Variants in APTX observed in about 807,000 individuals in gnomAD.
The protein encoded by APTX is aprataxin.
Under a neutral mutation model 42.3 loss-of-function variants are expected in APTX, and 33 were observed. The ratio of observed to expected loss-of-function variants is 0.78; its 90% CI spans 0.59 to 1.04. APTX has a LOEUF of 1.04. Ranked by LOEUF, APTX falls within the 50% of genes least tolerant of loss-of-function variation. APTX has a pLI of 0.00. For synonymous variants in APTX, 130 were observed against 146.7 expected, an observed-to-expected ratio of 0.89 and a Z score of 0.82; for missense variants, 421 against 415.1, an observed-to-expected ratio of 1.01 and a Z score of -0.12.
chr9:32,986,576 C>T (rs1193043756), intron 4 of APTX, among the ~76,000 whole-genome samples: 3 of 151,408 alleles, frequency 2.0e-5, no homozygotes, highest in Non-Finnish European at 4.4e-5. Flanking sequence ...GATCTCGGCT[C>T]ACTGCAACCT....
chr9:32,994,008 C>T (rs1370818056), intron 1 of APTX, among the ~76,000 whole-genome samples: 2 of 152,128 alleles, frequency 1.3e-5, no homozygotes, highest in African/African-American at 4.8e-5. Flanking sequence ...CGTGAGCCAC[C>T]GCGCCCGGCC....
intron 1 of APTX, among the ~76,000 whole-genome samples, chr9:32,991,354 A>G (rs573587205): frequency 6.8e-4 from 103 of 152,366 alleles, no homozygotes; most frequent in South Asian, 2.9e-3. Flanking sequence ...GTAAAAGAGA[A>G]AGAGACAAGA....
intron 1 of APTX, among the ~76,000 whole-genome samples, chr9:33,000,601 G>T (rs1156365206): frequency 2.1e-5 from 3 of 139,878 alleles, no homozygotes; most frequent in Non-Finnish European, 4.5e-5. Context: ...TCTCCAGCCT[G>T]GGTAACAGAG....
intron 6 of APTX, among the ~76,000 whole-genome samples, chr9:32,982,597 T>C (rs757909443): frequency 3.9e-5 from 6 of 152,218 alleles, no homozygotes; most frequent in Non-Finnish European, 7.3e-5. Flanking sequence ...AACTACATCA[T>C]ACAGAGTAAT....
chr9:32,997,748 G>A (rs1835296142), intron 1 of APTX, among the ~76,000 whole-genome samples: 1 of 152,248 alleles, frequency 6.6e-6, no homozygotes, highest in Non-Finnish European at 1.5e-5. Context: ...AGAACAGGCA[G>A]AGCCCTGGCT....
rs1828833740 is a variant in APTX, at chr9:32,974,443, A to G, written c.874+15T>C. On this transcript the variant is annotated intron_variant, in intron 7 of 7. Coordinates refer to ENST00000379817, the MANE Select transcript of APTX (RefSeq NM_001195248.2). Reference sequence around the variant, plus strand: ...GAAAATGAAACAAATGTGAAAACCAAGGAACACTGTTTACCTTGTGATTCT... The same window carrying G: ...GAAAATGAAACAAATGTGAAAACCAGGGAACACTGTTTACCTTGTGATTCT... 1 of 1,447,058 alleles carries G rather than the reference A, an allele frequency of 6.9e-7. No individual in the cohort carries two copies. Among genetic ancestry groups the G allele is most frequent in the African/African-American group, 1.4e-5 (1 of 71,582 alleles). 89.6% of individuals were successfully genotyped at this position (1,447,058 alleles called of 1,614,324 possible). A position where few individuals can be genotyped will look rare whatever the true frequency, so the allele number is the denominator to read the frequency against.
At chr9:33,003,447 A>G (rs1381883020), upstream of APTX, among the ~76,000 whole-genome samples, 2 of 152,160 alleles carry the variant, frequency 1.3e-5, no homozygotes. Context: ...TTGGGAGGCC[A>G]ACGCAGGTGG....
intron 1 of APTX, among the ~76,000 whole-genome samples, chr9:33,021,328 G>A (rs944993964): frequency 2.0e-5 from 3 of 152,140 alleles, no homozygotes; most frequent in Admixed American, 6.6e-5. Flanking sequence ...CATTTTAAAT[G>A]TGTTAATTCT....
intron 6 of APTX, among the ~76,000 whole-genome samples, chr9:32,978,861 C>T (rs142382061): frequency 1.4e-3 from 216 of 152,288 alleles, no homozygotes; most frequent in African/African-American, 5.1e-3. Flanking sequence ...TTTCTTACAA[C>T]AGTGGTTCGC....
At chr9:32,989,675 T>C in intron 2 of APTX, 84 bp downstream of exon 2, 1 of 1,603,422 alleles carries the variant, frequency 6.2e-7, no homozygotes, top group Admixed American at 1.7e-5. Context: ...AGATTTTCCA[T>C]CAAGATCACC....
chr9:33,000,875 C>G (rs1391292562), intron 1 of APTX, among the ~76,000 whole-genome samples: 1 of 93,562 alleles, frequency 1.1e-5, no homozygotes, highest in East Asian at 3.4e-4. Context: ...GACGGAGTTT[C>G]GCTCTTGGCA....
At chr9:32,975,089 A>G (rs1829058822) in intron 6 of APTX, among the ~76,000 whole-genome samples, 1 of 152,060 alleles carries the variant, frequency 6.6e-6, no homozygotes. Flanking sequence ...GGAGGCCAAG[A>G]GCAGGGGCCC....
rs570935310 is a variant in APTX, at chr9:33,010,192, C to A, written c.-5+14831G>T. On this transcript the variant is annotated intron_variant, in intron 1 of 6. Transcript: ENST00000436040. ...TTCCCAGAACAGGAGGGCCTGGGCT[C>A]TTGGCACCGTCAGACCAGCTCCTCT... Among the ~76,000 whole-genome samples the A allele has an allele frequency of 1.2e-4, 19 of 152,332 alleles. No homozygotes were observed. In the East Asian group the frequency reaches 3.7e-3, roughly 29 times the overall value.
chr9:32,998,123 A>T (rs1323793221), intron 1 of APTX, among the ~76,000 whole-genome samples: 1 of 152,224 alleles, frequency 6.6e-6, no homozygotes, highest in African/African-American at 2.4e-5. Flanking sequence ...CACTGAGTTC[A>T]GTTTCAGTCA....
rs556373677 is a variant in APTX, at chr9:32,989,528, T to C, written c.133+231A>G. 77 of 662,836 alleles carry C rather than the reference T, an allele frequency of 1.2e-4. 1 individual carries two copies. The East Asian group carries it at 1.9e-3, about 16-fold the overall frequency. 41.1% of individuals were successfully genotyped at this position (662,836 alleles called of 1,614,324 possible). ...CAATTCCACCATCCCATGGTAACAG[T>C]ATGAACTTGACTGCTCCCAACCTTC... On this transcript the variant is annotated intron_variant, in intron 2 of 7. Coordinates refer to ENST00000379817, the MANE Select transcript of APTX (RefSeq NM_001195248.2).
intron 6 of APTX, among the ~76,000 whole-genome samples, chr9:32,981,707 C>G (rs1485523343): frequency 6.6e-6 from 1 of 152,024 alleles, no homozygotes; most frequent in Non-Finnish European, 1.5e-5. Context: ...ATTTGAGCAA[C>G]AAAATAATTA....
intron 2 of APTX, among the ~76,000 whole-genome samples, chr9:32,988,787 T>C (rs1832842612): frequency 6.7e-6 from 1 of 148,812 alleles, no homozygotes. Flanking sequence ...AAACAACAAC[T>C]ATTAGATGCT....
chr9:33,020,189 A>T, intron 1 of APTX: 1 of 257,724 alleles, frequency 3.9e-6, no homozygotes, highest in Non-Finnish European at 7.3e-6. Context: ...GTATAGCTGT[A>T]GTTGTACTCA....
At chr9:32,985,204 C>T (rs1831641356) in intron 5 of APTX, among the ~76,000 whole-genome samples, 1 of 152,244 alleles carries the variant, frequency 6.6e-6, no homozygotes, top group African/African-American at 2.4e-5. Flanking sequence ...TCCTTCTCCA[C>T]TCCAACATGG....
Sources: gnomAD v4.1 joint callset for allele counts (sites outside exome capture counted in the v4.1 genomes callset) on GRCh38, gnomAD v4.1.1 for gene constraint, MANE v1.5 for transcripts, NCBI Gene and HGNC (gene_info 2026-07-23, HGNC 2026-07-21) for gene names.